Variants in SLMAP observed in about 807,000 individuals in gnomAD.
SLMAP encodes sarcolemma associated protein.
A neutral mutation model predicts 128.8 loss-of-function variants in SLMAP; 44 were observed. The observed-to-expected ratio is 0.34, with a 90% CI of 0.27 to 0.44. SLMAP has a LOEUF of 0.44. Among genes scored for constraint, SLMAP ranks in the 20% least tolerant of loss-of-function variants. SLMAP has a pLI of 1.00. For synonymous variants in SLMAP, 327 were observed against 348.8 expected (o/e 0.94, Z 0.70); for missense variants, 787 against 985.3 (o/e 0.80, Z 2.69).
chr3:57,758,698 G>A (rs932884874), intron 2 of SLMAP, among the ~76,000 whole-genome samples: 1 of 152,092 alleles, frequency 6.6e-6, no homozygotes, highest in South Asian at 2.1e-4. Flanking sequence ...TGTTAGTATC[G>A]TAAGTTACTA....
At chr3:57,769,533 C>T (rs147879121) in intron 2 of SLMAP, among the ~76,000 whole-genome samples, 364 of 152,074 alleles carry the variant, frequency 2.4e-3, no homozygotes, top group African/African-American at 3.8e-3. Flanking sequence ...CTATGTTGCC[C>T]GGCTGGTCTC....
Position 57,810,306 on chromosome 3 carries a change from T to C in SLMAP, c.199-21077T>C, listed in dbSNP as rs532797420. On this transcript the variant is annotated intron_variant, in intron 2 of 24. Transcript: ENST00000671191. Reference sequence around the variant, plus strand: ...CACCCCTTGCCACTCCATGCCTGGCTTGCCGTTGGCAGGCATGGGATCCAG... The same window carrying C: ...CACCCCTTGCCACTCCATGCCTGGCCTGCCGTTGGCAGGCATGGGATCCAG... Among the ~76,000 whole-genome samples the C allele has an allele frequency of 1.6e-4, 24 of 152,308 alleles. 1 individual carries two copies. In the East Asian group the frequency reaches 4.6e-3, roughly 29 times the overall value.
chr3:57,894,553 A>G (rs139583046), intron 15 of SLMAP, among the ~76,000 whole-genome samples: 30 of 152,370 alleles, frequency 2.0e-4, no homozygotes, highest in Non-Finnish European at 2.8e-4. Flanking sequence ...TATGCTTTAT[A>G]AATTTATAAT....
chr3:57,915,923 G>A (rs991053840), intron 21 of SLMAP, among the ~76,000 whole-genome samples: 5 of 152,044 alleles, frequency 3.3e-5, no homozygotes, highest in African/African-American at 7.2e-5. Flanking sequence ...TTGGGAGGCC[G>A]AAGCAGGCAG....
intron 17 of SLMAP, among the ~76,000 whole-genome samples, chr3:57,907,418 A>T (rs1242108595): frequency 1.3e-5 from 2 of 152,216 alleles, no homozygotes; most frequent in East Asian, 3.8e-4. Flanking sequence ...TGTGTTCCAC[A>T]ACTAGGGTAA....
At chr3:57,877,984 G>A (rs983295469) in intron 14 of SLMAP, among the ~76,000 whole-genome samples, 6 of 151,274 alleles carry the variant, frequency 4.0e-5, no homozygotes, top group South Asian at 2.1e-4. Flanking sequence ...ACAGGCACCC[G>A]CTACCATACC....
At chr3:57,925,768 C>G in intron 23 of SLMAP, 77 bp from the exon 24 acceptor site, 3 of 970,122 alleles carry the variant, frequency 3.1e-6, no homozygotes, top group Non-Finnish European at 4.8e-6. Flanking sequence ...CTACCTCCCA[C>G]CCTACTGGGG....
chr3:57,799,170 T>C (rs914818865), intron 2 of SLMAP, among the ~76,000 whole-genome samples: 3 of 152,204 alleles, frequency 2.0e-5, no homozygotes, highest in African/African-American at 7.2e-5. Context: ...ATACAATAAC[T>C]GATGCTAAGG....
intron 2 of SLMAP, among the ~76,000 whole-genome samples, chr3:57,780,840 G>A (rs996674153): frequency 7.3e-5 from 11 of 151,496 alleles, no homozygotes; most frequent in African/African-American, 2.4e-5. Context: ...ATAGGGTCTC[G>A]CTGTGTTGCC....
chr3:57,874,669 G>A (rs2153623995), intron 14 of SLMAP, among the ~76,000 whole-genome samples: 1 of 152,026 alleles, frequency 6.6e-6, no homozygotes, highest in Middle Eastern at 3.4e-3. Context: ...AGACCAGCCT[G>A]ACCAACATGT....
chr3:57,916,204 C>G (rs1479454216), intron 21 of SLMAP, among the ~76,000 whole-genome samples: 1 of 152,000 alleles, frequency 6.6e-6, no homozygotes, highest in Non-Finnish European at 1.5e-5. Flanking sequence ...TGGGAACAGC[C>G]TCAGAAGTTA....
At chr3:57,900,172 T>G (rs979046859) in intron 17 of SLMAP, 1 of 152,208 alleles carries the variant, frequency 6.6e-6, no homozygotes, top group African/African-American at 2.4e-5. Flanking sequence ...CCCGAACCAT[T>G]ATTTTCAAGT....
chr3:57,865,124 T>C, intron 12 of SLMAP, 118 bp from the exon 13 acceptor site: 1 of 616,272 alleles, frequency 1.6e-6, no homozygotes. Context: ...GCAGGATCCC[T>C]TTTAAAGTGT....
At chr3:57,907,835 T>G in intron 17 of SLMAP, 49 bp from the exon 18 acceptor site, 1 of 1,573,858 alleles carries the variant, frequency 6.4e-7, no homozygotes, top group Non-Finnish European at 8.7e-7. Flanking sequence ...TATTGTAGAT[T>G]ATAGTGTGAT....
intron 17 of SLMAP, among the ~76,000 whole-genome samples, chr3:57,907,613 GTC>G (rs1199512875): frequency 5.9e-5 from 9 of 152,220 alleles, no homozygotes; most frequent in African/African-American, 2.2e-4. Context: ...ATCTGTCACT[GTC>G]TGTTTATTTT....
Position 57,871,669 on chromosome 3 carries a change from C to T in SLMAP, c.1271C>T (p.Thr424Ile), listed in dbSNP as rs1423544190. ...HLLSKSGGDCTFIHQFIECQK... is the reference protein window; with the variant it reads ...HLLSKSGGDCIFIHQFIECQK... ...CTTTCAAAGAGTGGCGGGGACTGCACTTTTATTCATCAATTCATAGAATGC... is the reference window on the plus strand; with the variant it reads ...CTTTCAAAGAGTGGCGGGGACTGCATTTTTATTCATCAATTCATAGAATGC... The change falls in exon 14 of 25, where the codon ACT becomes ATT. Residue 424 changes from threonine to isoleucine, a missense_variant. Physicochemically the swap from Thr to Ile is moderately conservative, Grantham distance 89. Around this residue, in one of 2 missense-constraint regions of SLMAP, gnomAD observed 715 missense variants for 843.6 expected, o/e 0.85. Transcript: ENST00000671191. 8 of 1,612,420 alleles carry T rather than the reference C, an allele frequency of 5.0e-6. No individual in the cohort carries two copies. The Admixed American group carries it at 5.0e-5, about 10-fold the overall frequency.
intron 21 of SLMAP, among the ~76,000 whole-genome samples, chr3:57,915,858 A>T (rs968451358): frequency 3.3e-5 from 5 of 152,150 alleles, no homozygotes; most frequent in Admixed American, 3.3e-4. Flanking sequence ...TTTAACATCC[A>T]GTTATAAAAG....
intron 10 of SLMAP, among the ~76,000 whole-genome samples, chr3:57,862,427 CAA>C (rs1278819438): frequency 6.6e-6 from 1 of 151,874 alleles, no homozygotes; most frequent in East Asian, 1.9e-4. Context: ...ATCATGAGGT[CAA>C]GAGATTGAGA....
At chr3:57,920,241 AACT>A (rs2096892075) in intron 22 of SLMAP, among the ~76,000 whole-genome samples, 1 of 152,238 alleles carries the variant, frequency 6.6e-6, no homozygotes, top group Non-Finnish European at 1.5e-5. Flanking sequence ...TCTTCACATC[AACT>A]GAAAAAAGCT....
Sources: gnomAD v4.1 joint callset for allele counts (sites outside exome capture counted in the v4.1 genomes callset) on GRCh38, gnomAD v4.1.1 for gene constraint, gnomAD v4.1.1 regional missense constraint, MANE v1.5 for transcripts, NCBI Gene and HGNC (gene_info 2026-07-23, HGNC 2026-07-21) for gene names.